Variants in MCTP1 observed in about 807,000 individuals in gnomAD.
The protein encoded by MCTP1 is multiple C2 and transmembrane domain containing 1.
MCTP1 carries 69 observed loss-of-function variants against 120.6 expected under a neutral mutation model. The ratio of observed to expected loss-of-function variants is 0.57; its 90% CI spans 0.47 to 0.70. The LOEUF (loss-of-function observed/expected upper bound fraction) is 0.70. MCTP1 is among the 30% of genes least tolerant of loss of function. MCTP1 has a pLI of 0.00. For synonymous variants in MCTP1, 529 were observed against 493.1 expected (o/e 1.07, Z -0.96); for missense variants, 1,203 against 1,248.8 (o/e 0.96, Z 0.55).
chr5:94,781,197 T>C (rs1244263761), intron 18 of MCTP1, among the ~76,000 whole-genome samples: 2 of 152,020 alleles, frequency 1.3e-5, no homozygotes, highest in Non-Finnish European at 2.9e-5. Flanking sequence ...GAAAATGAGA[T>C]GAATACTATA....
At chr5:94,920,864 G>A (rs923874163) in intron 7 of MCTP1, among the ~76,000 whole-genome samples, 5 of 151,870 alleles carry the variant, frequency 3.3e-5, no homozygotes, top group Non-Finnish European at 5.9e-5. Flanking sequence ...ACCGGAAGGC[G>A]GTACTCTGAT....
At chr5:94,726,181 C>G (rs1033073707) in intron 19 of MCTP1, among the ~76,000 whole-genome samples, 3 of 152,200 alleles carry the variant, frequency 2.0e-5, no homozygotes, top group African/African-American at 7.2e-5. Context: ...TGTGCTCACT[C>G]TCCTTGGGTG....
chr5:94,817,771 G>T (rs1257541971), intron 17 of MCTP1, among the ~76,000 whole-genome samples: 1 of 152,214 alleles, frequency 6.6e-6, no homozygotes. Context: ...AACCATTATT[G>T]GTTTACATAT....
At chr5:94,768,657 G>A (rs760633662) in intron 19 of MCTP1, among the ~76,000 whole-genome samples, 3 of 151,956 alleles carry the variant, frequency 2.0e-5, no homozygotes, top group Non-Finnish European at 4.4e-5. Context: ...ACTAAATACT[G>A]GAGAAATGCA....
chr5:95,243,797 G>C (rs1756442651), intron 1 of MCTP1, among the ~76,000 whole-genome samples: 1 of 152,120 alleles, frequency 6.6e-6, no homozygotes, highest in Non-Finnish European at 1.5e-5. Context: ...TGGCAAGCAG[G>C]GAAAGTTAAG....
At chr5:95,270,736 C>T (rs460924) in intron 1 of MCTP1, among the ~76,000 whole-genome samples, 130,512 of 152,050 alleles carry the variant, frequency 0.86, 56,146 homozygotes, top group African/African-American at 0.92. Flanking sequence ...TCGAGACCAA[C>T]CTGGCCAACA....
chr5:94,896,028 G>T (rs752193207), intron 10 of MCTP1, among the ~76,000 whole-genome samples: 3 of 152,310 alleles, frequency 2.0e-5, no homozygotes, highest in African/African-American at 2.4e-5. Context: ...CCTGAAGTTA[G>T]AATGTATGTC....
chr5:94,883,368 G>C (rs144213094), intron 12 of MCTP1, among the ~76,000 whole-genome samples: 446 of 152,198 alleles, frequency 2.9e-3, no homozygotes, highest in African/African-American at 0.01. Context: ...TGGAACATTA[G>C]CTTATATAAT....
At chr5:94,993,716 G>A (rs1426188384) in intron 2 of MCTP1, among the ~76,000 whole-genome samples, 1 of 152,100 alleles carries the variant, frequency 6.6e-6, no homozygotes, top group Admixed American at 6.6e-5. Flanking sequence ...GAGTACAGAT[G>A]GGGAACTGAA....
chr5:95,182,172 G>A (rs1175236566), intron 1 of MCTP1, among the ~76,000 whole-genome samples: 1 of 152,192 alleles, frequency 6.6e-6, no homozygotes, highest in Admixed American at 6.5e-5. Context: ...CAACACACAT[G>A]AGGAAAAGTG....
rs1234469522 is a variant in MCTP1 at position 95,284,510 on chromosome 5, G to T, written c.66C>A (p.Ala22=). Residue 22 remains alanine (A), a synonymous_variant, in exon 1 of 23, where the codon GCC becomes GCA. Transcript: ENST00000515393. The surrounding 1 kb of genome is among the most constrained non-coding windows in gnomAD (Gnocchi z 5.2). ...EPPAASSSFQ[A]RLWKNLQLGV... is the part of the protein sequence containing the mutation. Reference sequence around the variant, plus strand: ...CCAGCTGCAGGTTCTTCCAGAGCCGGGCCTGGAAGGAGGAGGACGCCGCCG... The same window carrying T: ...CCAGCTGCAGGTTCTTCCAGAGCCGTGCCTGGAAGGAGGAGGACGCCGCCG... 1 of 1,504,736 alleles carries T rather than the reference G, an allele frequency of 6.6e-7. No homozygotes were observed. Among genetic ancestry groups the T allele is most frequent in the African/African-American group, 1.4e-5 (1 of 69,156 alleles). The allele number at this position is 1,504,736 out of a possible 1,614,324, so 93.2% of individuals were successfully genotyped here. A position where few individuals can be genotyped will look rare whatever the true frequency, so the allele number is the denominator to read the frequency against.
chr5:94,901,468 C>T lies in MCTP1; in HGVS notation c.1653-6633G>A, dbSNP rs370517361. ...TTCTACAAATGCTTCCTAGTATTCCCTGACTCATGTTCTTTCTCTCTCACT... is the reference window on the plus strand; with the variant it reads ...TTCTACAAATGCTTCCTAGTATTCCTTGACTCATGTTCTTTCTCTCTCACT... On this transcript the variant is annotated intron_variant, in intron 10 of 22. Coordinates refer to ENST00000515393, the MANE Select transcript of MCTP1 (RefSeq NM_024717.7). 2.0e-5 allele frequency among the ~76,000 whole-genome samples: 3 copies of T among 152,064 alleles called. No individual in the cohort carries two copies. The South Asian group carries it at 6.2e-4, about 32-fold the overall frequency.
chr5:95,017,740 A>G (rs984614695), intron 1 of MCTP1, among the ~76,000 whole-genome samples: 10 of 152,166 alleles, frequency 6.6e-5, no homozygotes, highest in African/African-American at 2.4e-4. Context: ...TGGAATATAA[A>G]AACATTTCCC....
At chr5:95,137,357 T>G (rs557499844) in intron 1 of MCTP1, among the ~76,000 whole-genome samples, 9 of 152,244 alleles carry the variant, frequency 5.9e-5, no homozygotes, top group African/African-American at 1.9e-4. Context: ...CGATAGTCCC[T>G]GGCTCACAGA....
intron 19 of MCTP1, among the ~76,000 whole-genome samples, chr5:94,751,227 G>T (rs546953806): frequency 6.6e-6 from 1 of 152,066 alleles, no homozygotes; most frequent in Non-Finnish European, 1.5e-5. Context: ...TAGAAAAAAT[G>T]ATGCTATGAG....
At chr5:95,206,653 G>A (rs1751653666) in intron 1 of MCTP1, among the ~76,000 whole-genome samples, 1 of 152,090 alleles carries the variant, frequency 6.6e-6, no homozygotes. Context: ...TCCTGCCTCA[G>A]CCTCCTGAGT....
chr5:94,985,780 G>A (rs1830318164), intron 2 of MCTP1, among the ~76,000 whole-genome samples: 1 of 152,170 alleles, frequency 6.6e-6, no homozygotes, highest in Admixed American at 6.5e-5. Flanking sequence ...CTGCCATTCT[G>A]CAGAGCTCAC....
chr5:94,732,910 TAA>T (rs1250520305), intron 19 of MCTP1, among the ~76,000 whole-genome samples: 1 of 152,196 alleles, frequency 6.6e-6, no homozygotes, highest in East Asian at 1.9e-4. Flanking sequence ...CTGAACAGAC[TAA>T]GACACTTAAA....
chr5:94,919,050 G>C (rs1338150734), intron 7 of MCTP1, among the ~76,000 whole-genome samples: 1 of 152,032 alleles, frequency 6.6e-6, no homozygotes, highest in African/African-American at 2.4e-5. Context: ...GAAATTAATT[G>C]GTATAGGAGT....
Sources: gnomAD v4.1 joint callset for allele counts (sites outside exome capture counted in the v4.1 genomes callset) on GRCh38, gnomAD v4.1.1 for gene constraint, Gnocchi (gnomAD v3.1) non-coding constraint, MANE v1.5 for transcripts, NCBI Gene and HGNC (gene_info 2026-07-23, HGNC 2026-07-21) for gene names.